Variants in MARCHF7 observed in about 807,000 individuals in gnomAD.
The protein encoded by MARCHF7 is E3 ubiquitin-protein ligase MARCHF7.
In MARCHF7, 20 loss-of-function variants were observed where a neutral mutation model predicts 76.5. The ratio of observed to expected loss-of-function variants is 0.26; its 90% CI spans 0.18 to 0.38. MARCHF7 has a LOEUF of 0.38. Ranked by LOEUF, MARCHF7 falls within the 10% of genes least tolerant of loss-of-function variation. MARCHF7 has a pLI of 1.00. For synonymous variants in MARCHF7, 295 were observed against 293.0 expected (o/e 1.01, Z -0.07); for missense variants, 797 against 812.9 (o/e 0.98, Z 0.24).
chr2:159,732,928 A>G (rs1485326766), intron 4 of MARCHF7: 1 of 984,972 alleles, frequency 1.0e-6, no homozygotes, highest in Non-Finnish European at 1.2e-6. Context: ...AAGATGAACA[A>G]GATTGTTCAT....
chr2:159,747,545 TAA>T (rs1046232718), intron 6 of MARCHF7, among the ~76,000 whole-genome samples: 5 of 152,246 alleles, frequency 3.3e-5, no homozygotes, highest in African/African-American at 9.6e-5. Flanking sequence ...TTTTATCAAA[TAA>T]AATTTTCATA....
intron 9 of MARCHF7, among the ~76,000 whole-genome samples, chr2:159,761,406 CTTTTTTTTTTT>C (rs747902045): frequency 6.8e-5 from 5 of 73,778 alleles, no homozygotes; most frequent in African/African-American, 1.6e-4. Context: ...TGAATCATTT[CTTTTTTTTTTT>C]TTTTTTTTTT....
At chr2:159,762,599 T>TAA (rs1707242168) in intron 9 of MARCHF7, among the ~76,000 whole-genome samples, 1 of 152,224 alleles carries the variant, frequency 6.6e-6, no homozygotes, top group Non-Finnish European at 1.5e-5. Context: ...ATGAGCTTTA[T>TAA]AGAAAACCAA....
chr2:159,724,300 T>G (rs1411543514), intron 3 of MARCHF7, among the ~76,000 whole-genome samples: 1 of 152,226 alleles, frequency 6.6e-6, no homozygotes, highest in African/African-American at 2.4e-5. Context: ...TTATAGGATC[T>G]TCCCATTACT....
intron 3 of MARCHF7, among the ~76,000 whole-genome samples, chr2:159,726,363 C>T (rs150084417): frequency 0.029 from 4,483 of 152,076 alleles, 89 homozygotes; most frequent in East Asian, 0.09. Context: ...CCCGGGTTCA[C>T]GCCATTCTCC....
chr2:159,733,250 T>G (rs188732605), intron 4 of MARCHF7: 2 of 871,556 alleles, frequency 2.3e-6, no homozygotes, highest in Admixed American at 1.2e-4. Context: ...TAAAATTATT[T>G]AGTTTTTGAG....
chr2:159,733,665 G>C (rs1407091795), intron 4 of MARCHF7: 1 of 985,206 alleles, frequency 1.0e-6, no homozygotes, highest in Non-Finnish European at 1.2e-6. Context: ...GAGGGTCAGG[G>C]GGTAGGACAT....
At chr2:159,737,367 A>T (rs1703584457) in intron 4 of MARCHF7, among the ~76,000 whole-genome samples, 1 of 152,240 alleles carries the variant, frequency 6.6e-6, no homozygotes, top group Non-Finnish European at 1.5e-5. Context: ...AAAGGACTTT[A>T]ATAAACATTT....
At chr2:159,750,722 T>TA (rs1705538351) in intron 7 of MARCHF7, among the ~76,000 whole-genome samples, 1 of 152,134 alleles carries the variant, frequency 6.6e-6, no homozygotes, top group African/African-American at 2.4e-5. Context: ...AAATAGTTAT[T>TA]AAAATGAGAT....
chr2:159,742,688 C>T (rs926691712), intron 4 of MARCHF7, among the ~76,000 whole-genome samples: 1 of 152,110 alleles, frequency 6.6e-6, no homozygotes, highest in Non-Finnish European at 1.5e-5. Flanking sequence ...AGGCTCGTGC[C>T]TGTAATCCCA....
At chr2:159,760,527 GT>G (rs1235722105) in intron 9 of MARCHF7, among the ~76,000 whole-genome samples, 1 of 152,196 alleles carries the variant, frequency 6.6e-6, no homozygotes, top group Non-Finnish European at 1.5e-5. Context: ...GGAGTTCTCT[GT>G]AGCTGGCTGA....
At position 159,770,459 on chromosome 2, in the gene MARCHF7, G is replaced by A. The variant is rs1708105359; in HGVS notation, c.*3117G>A. The A allele has an allele frequency of 6.6e-6, 1 of 152,088 alleles. No homozygotes were observed. Among genetic ancestry groups the A allele is most frequent in the South Asian group, 2.1e-4 (1 of 4,826 alleles). The allele number at this position is 152,088 out of a possible 1,614,324, so 9.4% of individuals were successfully genotyped here. ...TCGATTCATGTGGTCAATAAAAAGA[G>A]ACTACACAAGCTGGAACTTTGTTGC... On this transcript the variant is annotated 3_prime_UTR_variant, in exon 12 of 12. Transcript: ENST00000409175.
chr2:159,736,178 C>T (rs1355567310), intron 4 of MARCHF7, among the ~76,000 whole-genome samples: 1 of 152,276 alleles, frequency 6.6e-6, no homozygotes, highest in South Asian at 2.1e-4. Flanking sequence ...TGTGTTCAAT[C>T]GTTTGGGGAA....
intron 4 of MARCHF7, among the ~76,000 whole-genome samples, chr2:159,736,311 G>A (rs555335906): frequency 5.1e-4 from 77 of 152,218 alleles, no homozygotes; most frequent in African/African-American, 1.8e-3. Flanking sequence ...CATCCCAATG[G>A]GTATGAAGTG....
At chr2:159,716,715 A>T (rs76955952) in intron 3 of MARCHF7, among the ~76,000 whole-genome samples, 1 of 152,122 alleles carries the variant, frequency 6.6e-6, no homozygotes, top group Non-Finnish European at 1.5e-5. Context: ...AGTTTATCCT[A>T]TAGTAGTGGT....
At chr2:159,735,203 C>T (rs1254759086) in intron 4 of MARCHF7, among the ~76,000 whole-genome samples, 1 of 152,156 alleles carries the variant, frequency 6.6e-6, no homozygotes, top group Admixed American at 6.5e-5. Flanking sequence ...TTATTCACTT[C>T]ACAGTCAAGT....
intron 11 of MARCHF7, among the ~76,000 whole-genome samples, chr2:159,766,663 G>T (rs986148161): frequency 6.6e-6 from 1 of 152,140 alleles, no homozygotes. Context: ...TGCAAAAGTG[G>T]TAAGTTTCTG....
chr2:159,719,234 C>T (rs1031506561), intron 3 of MARCHF7, among the ~76,000 whole-genome samples: 4 of 151,930 alleles, frequency 2.6e-5, no homozygotes, highest in African/African-American at 7.3e-5. Context: ...TTTGTAGAGA[C>T]GGGGTGTCAA....
At chr2:159,743,741 A>G (rs1704432419) in intron 5 of MARCHF7, among the ~76,000 whole-genome samples, 1 of 129,726 alleles carries the variant, frequency 7.7e-6, no homozygotes, top group South Asian at 2.7e-4. Flanking sequence ...TTCTACCAAA[A>G]AAAAAAAAAG....
Sources: allele counts gnomAD v4.1 joint callset (sites outside exome capture counted in the v4.1 genomes callset), GRCh38; gene constraint gnomAD v4.1.1; transcripts MANE v1.5; gene names NCBI Gene and HGNC (gene_info 2026-07-23, HGNC 2026-07-21).